The following C3orf20 variants were observed in gnomAD, a reference collection of about 807,000 sequenced individuals.
C3orf20 encodes uncharacterized protein C3orf20.
C3orf20 carries 76 observed loss-of-function variants against 88.3 expected under a neutral mutation model. The ratio of observed to expected loss-of-function variants is 0.86; its 90% CI spans 0.72 to 1.04. The LOEUF is 1.04. Ranked by LOEUF, C3orf20 falls within the 50% of genes least tolerant of loss-of-function variation. The pLI, the probability that C3orf20 is intolerant of heterozygous loss-of-function variation, is 0.00. For synonymous variants in C3orf20, 436 were observed against 437.4 expected (o/e 1.00, Z 0.04); for missense variants, 1,056 against 1,123.3 (o/e 0.94, Z 0.86).
At chr3:14,750,529 C>T (rs1398754207) in intron 12 of C3orf20, among the ~76,000 whole-genome samples, 1 of 149,392 alleles carries the variant, frequency 6.7e-6, no homozygotes, top group Non-Finnish European at 1.5e-5. Flanking sequence ...CATTCCAGCC[C>T]AGGTAACAGA....
At chr3:14,717,964 G>C (rs748671222) in intron 9 of C3orf20, among the ~76,000 whole-genome samples, 1 of 152,070 alleles carries the variant, frequency 6.6e-6, no homozygotes, top group Non-Finnish European at 1.5e-5. Context: ...CTGCTTGCAA[G>C]ATTTTCTCTT....
intron 15 of C3orf20, among the ~76,000 whole-genome samples, chr3:14,770,878 C>T (rs1020214963): frequency 2.0e-5 from 3 of 152,204 alleles, no homozygotes; most frequent in Non-Finnish European, 2.9e-5. Flanking sequence ...CCCAGGGCTG[C>T]TGTGAATCTC....
At chr3:14,689,888 C>T in intron 4 of C3orf20, 109 bp from the exon 5 acceptor site, 1 of 1,425,718 alleles carries the variant, frequency 7.0e-7, no homozygotes, top group Non-Finnish European at 9.7e-7. Flanking sequence ...CGGCACTTTA[C>T]AGTATGTGAC....
rs574482728 is a variant in C3orf20, at chr3:14,755,986, G to A, written c.1941-1385G>A. 6.4e-4 allele frequency among the ~76,000 whole-genome samples: 87 copies of A among 135,316 alleles called. 2 individuals carry two copies. In the South Asian group the frequency reaches 0.016, roughly 26 times the overall value. The allele number at this position is 135,316 out of a possible 152,430, so 88.8% of individuals were successfully genotyped here. A position where few individuals can be genotyped will look rare whatever the true frequency, so the allele number is the denominator to read the frequency against. On this transcript the variant is annotated intron_variant, in intron 12 of 16. Coordinates refer to ENST00000253697, the MANE Select transcript of C3orf20 (RefSeq NM_032137.5). ...GGAGCTTACAGTGAGCCGAGATTGC[G>A]CCACTGCACTCCAGCCTGGGTGACA...
At chr3:14,739,740 G>T (rs1324786192) in intron 12 of C3orf20, among the ~76,000 whole-genome samples, 2 of 152,232 alleles carry the variant, frequency 1.3e-5, no homozygotes, top group Non-Finnish European at 2.9e-5. Context: ...ATCTTAACTA[G>T]ATCTTCTGTA....
At chr3:14,711,549 G>C (rs552853052) in intron 7 of C3orf20, among the ~76,000 whole-genome samples, 3 of 147,886 alleles carry the variant, frequency 2.0e-5, no homozygotes, top group Non-Finnish European at 4.5e-5. Context: ...ACCAAGTTGT[G>C]TCTTTGGATC....
chr3:14,712,175 C>T (rs984599787), intron 7 of C3orf20, among the ~76,000 whole-genome samples: 16 of 18,482 alleles, frequency 8.7e-4, no homozygotes, highest in African/African-American at 2.2e-3. Context: ...CACACACACG[C>T]GCGCGCGCAC....
intron 12 of C3orf20, among the ~76,000 whole-genome samples, chr3:14,748,902 A>G (rs984444210): frequency 6.6e-6 from 1 of 152,190 alleles, no homozygotes; most frequent in Non-Finnish European, 1.5e-5. Context: ...TTCCATGTGC[A>G]ATAGAGAAGA....
At chr3:14,769,178 G>C (rs532460860) in intron 15 of C3orf20, among the ~76,000 whole-genome samples, 1 of 152,070 alleles carries the variant, frequency 6.6e-6, no homozygotes, top group African/African-American at 2.4e-5. Flanking sequence ...TAATAAGCAC[G>C]GAGGCAGAGG....
At chr3:14,722,511 A>G (rs1240832292) in intron 10 of C3orf20, 2 of 456,640 alleles carry the variant, frequency 4.4e-6, no homozygotes, top group Non-Finnish European at 8.8e-6. Flanking sequence ...GATGCTGAGT[A>G]GAAAACTACC....
chr3:14,722,358 G>C (rs1203391685), intron 10 of C3orf20: 1 of 416,606 alleles, frequency 2.4e-6, no homozygotes. Flanking sequence ...AGTATGTATT[G>C]CTCCCATTGA....
At chr3:14,734,815 G>A (rs920791431) in intron 12 of C3orf20, among the ~76,000 whole-genome samples, 17 of 151,740 alleles carry the variant, frequency 1.1e-4, no homozygotes, top group Non-Finnish European at 2.1e-4. Context: ...CGATAATTTT[G>A]GAGCTCTCTA....
intron 5 of C3orf20, among the ~76,000 whole-genome samples, chr3:14,697,846 A>G (rs1051382837): frequency 6.6e-6 from 1 of 151,910 alleles, no homozygotes; most frequent in Non-Finnish European, 1.5e-5. Flanking sequence ...GCTGAGAATG[A>G]TGGTTTCCAG....
chr3:14,755,758 G>A (rs1267120690), intron 12 of C3orf20, among the ~76,000 whole-genome samples: 4 of 152,100 alleles, frequency 2.6e-5, no homozygotes, highest in African/African-American at 4.8e-5. Context: ...GGCTGGGCGC[G>A]GCGGCTCACG....
intron 7 of C3orf20, among the ~76,000 whole-genome samples, chr3:14,706,269 G>A (rs1045932254): frequency 6.6e-5 from 10 of 152,010 alleles, no homozygotes; most frequent in Admixed American, 1.3e-4. Context: ...TGCTTGCAGC[G>A]CATCCCTCCA....
At chr3:14,724,055 A>G (rs563051963) in intron 10 of C3orf20, among the ~76,000 whole-genome samples, 51 of 152,008 alleles carry the variant, frequency 3.4e-4, no homozygotes, top group Non-Finnish European at 5.4e-4. Flanking sequence ...CTGACCTTAG[A>G]TGACCCACGC....
At chr3:14,769,521 G>T (rs572907238) in intron 15 of C3orf20, among the ~76,000 whole-genome samples, 1 of 152,174 alleles carries the variant, frequency 6.6e-6, no homozygotes, top group African/African-American at 2.4e-5. Context: ...CACCTCAGAA[G>T]AGGCAGGAAG....
intron 12 of C3orf20, among the ~76,000 whole-genome samples, chr3:14,729,609 C>T (rs1159109496): frequency 1.3e-5 from 2 of 152,168 alleles, no homozygotes; most frequent in Non-Finnish European, 2.9e-5. Flanking sequence ...TGCAGTGGCA[C>T]GATCTCAGCT....
At position 14,772,975 on chromosome 3, in the gene C3orf20, C is replaced by G. The variant is rs2035902600; in HGVS notation, c.*100C>G. ...CTCCCCGGTCTCCCACCCTGTCCTC[C>G]AAGCTTCTATAATAAACCAGCGGGC... On this transcript the variant is annotated 3_prime_UTR_variant, in exon 17 of 17. Transcript: ENST00000253697. This position sits in a 1 kb window ranked among gnomAD's most constrained non-coding sequence, Gnocchi z 4.2. 1.1e-6 allele frequency: 1 copy of G among 871,762 alleles called. No homozygotes were observed. The highest frequency in any genetic ancestry group is 1.9e-6 in the Non-Finnish European group (1 of 524,884). 54.0% of individuals were successfully genotyped at this position (871,762 alleles called of 1,614,324 possible). A position where few individuals can be genotyped will look rare whatever the true frequency, so the allele number is the denominator to read the frequency against.
Sources: allele counts gnomAD v4.1 joint callset (sites outside exome capture counted in the v4.1 genomes callset), GRCh38; gene constraint gnomAD v4.1.1; non-coding constraint Gnocchi (gnomAD v3.1); transcripts MANE v1.5; gene names NCBI Gene and HGNC (gene_info 2026-07-23, HGNC 2026-07-21).